The following ZFYVE21 variants were observed in gnomAD, a reference collection of about 807,000 sequenced individuals.
ZFYVE21 encodes the protein zinc finger FYVE domain-containing protein 21.
A neutral mutation model predicts 29.5 loss-of-function variants in ZFYVE21; 21 were observed. The ratio of observed to expected loss-of-function variants is 0.71; its 90% CI spans 0.50 to 1.02. ZFYVE21 has a LOEUF of 1.02. ZFYVE21 is among the 50% of genes least tolerant of loss of function. The pLI is 0.00. For synonymous variants in ZFYVE21, 151 were observed against 133.8 expected (o/e 1.13, Z -0.89); for missense variants, 326 against 335.4 (o/e 0.97, Z 0.22).
chr14:103,715,913 GC>G lies in ZFYVE21; in HGVS notation c.75del (p.Glu26AsnfsTer93). ...VRSPSGLRMV[P>X]EHRAFGSPFG... ...GCTCCCCGAGCGGCCTGCGCATGGT[GC>G]CCGAACACCGCGCCTTCGGAAGCCC... On this transcript the variant is annotated frameshift_variant, in exon 1 of 7. Transcript: ENST00000311141. LOFTEE classifies it high-confidence loss of function. 7.0e-7 allele frequency: 1 copy of G among 1,435,642 alleles called. No individual in the cohort carries two copies. 88.9% of individuals were successfully genotyped at this position (1,435,642 alleles called of 1,614,324 possible). A position where few individuals can be genotyped will look rare whatever the true frequency, so the allele number is the denominator to read the frequency against.
At chr14:103,720,183 C>T (rs751475340) in intron 1 of ZFYVE21, among the ~76,000 whole-genome samples, 58 of 152,202 alleles carry the variant, frequency 3.8e-4, no homozygotes, top group Non-Finnish European at 5.4e-4. Flanking sequence ...TCCTTCCTCA[C>T]GGCCTGTATC....
At position 103,726,811 on chromosome 14, in the gene ZFYVE21, G is replaced by A. The variant is rs1425551086; in HGVS notation, c.158G>A (p.Cys53Tyr). 6.2e-7 allele frequency: 1 copy of A among 1,614,118 alleles called. No homozygotes were observed. Among genetic ancestry groups the A allele is most frequent in the Non-Finnish European group, 8.5e-7 (1 of 1,179,988 alleles). The change falls in exon 2 of 7, where the codon TGT becomes TAT. Residue 53 changes from cysteine to tyrosine, a missense_variant. By Grantham distance (194) the Cys-to-Tyr change is radical (BLOSUM62 -2). Coordinates refer to ENST00000311141, the MANE Select transcript of ZFYVE21 (RefSeq NM_024071.4). ...TCCTAGTGTCGGAGATGTATGCAGTGTGACGCCAAGTTTGACTTTCTCACC... is the reference window on the plus strand; with the variant it reads ...TCCTAGTGTCGGAGATGTATGCAGTATGACGCCAAGTTTGACTTTCTCACC... ...PDKECRRCMQ[C>Y]DAKFDFLTRK...
intron 2 of ZFYVE21, 106 bp downstream of exon 2, chr14:103,726,948 G>GTTTTTTTGT: frequency 1.5e-6 from 1 of 660,970 alleles, no homozygotes; most frequent in Non-Finnish European, 2.2e-6. Context: ...CTTATGGCTC[G>GTTTTTTTGT]TTTTTTTTTT....
rs1567073862 is a variant in ZFYVE21 at position 103,733,325 on chromosome 14, C to T, written c.*307C>T. 1.6e-5 allele frequency: 5 copies of T among 311,296 alleles called. No homozygotes were observed. The highest frequency in any genetic ancestry group is 4.6e-5 in the Admixed American group (1 of 21,750). 19.3% of individuals were successfully genotyped at this position (311,296 alleles called of 1,614,324 possible). A position where few individuals can be genotyped will look rare whatever the true frequency, so the allele number is the denominator to read the frequency against. ...ATAATATATACCATTTTTATGAGTT[C>T]GCAGGTCTACTAGAAGGTTCTGGCC... On this transcript the variant is annotated 3_prime_UTR_variant, in exon 7 of 7. Transcript: ENST00000311141.
intron 5 of ZFYVE21, chr14:103,729,803 T>C: frequency 1.3e-6 from 2 of 1,536,438 alleles, no homozygotes; most frequent in Non-Finnish European, 8.7e-7. Context: ...AAAAAGACAT[T>C]CACGCTTACA....
intron 1 of ZFYVE21, among the ~76,000 whole-genome samples, chr14:103,723,271 T>G (rs928333920): frequency 5.3e-5 from 8 of 152,226 alleles, no homozygotes; most frequent in African/African-American, 1.9e-4. Flanking sequence ...AGGCAGGGAC[T>G]GTGCCACCGC....
Position 103,732,733 on chromosome 14 carries a change from G to A in ZFYVE21, c.640G>A (p.Ala214Thr), listed in dbSNP as rs559115250. The stretch of plus-strand genomic sequence containing the variant: ...GGACGTGACTGTGGGCAGGAGGCAG[G>A]CGGTGGCGTGGCTAGTGGCCATGCA... ...VEDVTVGRRQ[A>T]VAWLVAMHKA... The change falls in exon 6 of 7, where the codon GCG becomes ACG. Residue 214 changes from alanine to threonine, a missense_variant. Ala to Thr is a moderately conservative substitution (Grantham distance 58). Coordinates refer to ENST00000311141, the MANE Select transcript of ZFYVE21 (RefSeq NM_024071.4). 75 of 1,613,184 alleles carry A rather than the reference G, an allele frequency of 4.6e-5. No homozygotes were observed. The Middle Eastern group carries it at 5.0e-4, about 11-fold the overall frequency.
intron 5 of ZFYVE21, chr14:103,729,435 C>T: frequency 1.7e-6 from 1 of 576,024 alleles, no homozygotes. Context: ...ATGATTTCCT[C>T]TGCTCTAAAT....
chr14:103,731,613 A>G (rs2083975728), intron 5 of ZFYVE21: 1 of 152,268 alleles, frequency 6.6e-6, no homozygotes, highest in African/African-American at 2.4e-5. Flanking sequence ...CGTCTCGGAA[A>G]AAAAAAATGT....
intron 1 of ZFYVE21, among the ~76,000 whole-genome samples, chr14:103,722,280 G>A (rs1435498323): frequency 6.6e-6 from 1 of 151,056 alleles, no homozygotes; most frequent in African/African-American, 2.4e-5. Flanking sequence ...AAGCTCCTTG[G>A]TTATTTTATA....
intron 1 of ZFYVE21, among the ~76,000 whole-genome samples, chr14:103,723,270 C>T (rs979845163): frequency 3.9e-5 from 6 of 152,248 alleles, no homozygotes; most frequent in African/African-American, 7.2e-5. Context: ...GAGGCAGGGA[C>T]TGTGCCACCG....
In ZFYVE21 at chr14:103,732,352, T is replaced by C. The variant is rs192078346; in HGVS notation, c.527-268T>C. The C allele has an allele frequency of 4.4e-3, 1,533 of 348,504 alleles. 17 individuals carry two copies. The highest frequency in any genetic ancestry group is 6.2e-3 in the Non-Finnish European group (1,258 of 201,596). 21.6% of individuals were successfully genotyped at this position (348,504 alleles called of 1,614,324 possible). ...TAGCCGAGAGCAAGGCCTCTCGTGGTGATGTGGCTCTTGTTGTTTGTCCCG... is the reference window on the plus strand; with the variant it reads ...TAGCCGAGAGCAAGGCCTCTCGTGGCGATGTGGCTCTTGTTGTTTGTCCCG... On this transcript the variant is annotated intron_variant, in intron 5 of 6. Coordinates refer to ENST00000311141, the MANE Select transcript of ZFYVE21 (RefSeq NM_024071.4).
chr14:103,716,048 C>T lies in ZFYVE21; in HGVS notation c.138+69C>T. On this transcript the variant is annotated intron_variant, in intron 1 of 6. Transcript: ENST00000311141. The surrounding 1 kb of genome is among the most constrained non-coding windows in gnomAD (Gnocchi z 4.8). ...CGCCCCGGCCCGGCCCCGCGGGCTTCCAGGCTCCCGCGACGACCCCTCCGC... is the reference window on the plus strand; with the variant it reads ...CGCCCCGGCCCGGCCCCGCGGGCTTTCAGGCTCCCGCGACGACCCCTCCGC... 1 of 1,166,102 alleles carries T rather than the reference C, an allele frequency of 8.6e-7. No homozygotes were observed. Among genetic ancestry groups the T allele is most frequent in the Non-Finnish European group, 1.1e-6 (1 of 944,108 alleles). 72.2% of individuals were successfully genotyped at this position (1,166,102 alleles called of 1,614,324 possible). A position where few individuals can be genotyped will look rare whatever the true frequency, so the allele number is the denominator to read the frequency against.
rs1439087367 is a variant in ZFYVE21, at chr14:103,716,067, C to T, written c.138+88C>T. ...GGGCTTCCAGGCTCCCGCGACGACC[C>T]CTCCGCCTCCGGGCGGCCCCTTCCC... On this transcript the variant is annotated intron_variant, in intron 1 of 6. Transcript: ENST00000311141. This position sits in a 1 kb window ranked among gnomAD's most constrained non-coding sequence, Gnocchi z 4.8. The T allele has an allele frequency of 2.6e-6, 3 of 1,132,230 alleles. No homozygotes were observed. The highest frequency in any genetic ancestry group is 4.8e-5 in the Admixed American group (1 of 20,892). The allele number at this position is 1,132,230 out of a possible 1,614,324, so 70.1% of individuals were successfully genotyped here.
rs182649361 is a variant in ZFYVE21, at chr14:103,731,012, A to G, written c.527-1608A>G. On this transcript the variant is annotated intron_variant, in intron 5 of 6. Transcript: ENST00000311141. ...CCCTAACCACAGAACCGGGCTTATG[A>G]AAGTGTGGTTCTAGAGGCCCGGCAT... 197 of 152,506 alleles carry G rather than the reference A, an allele frequency of 1.3e-3. 2 individuals carry two copies. The highest frequency in any genetic ancestry group is 2.1e-4 in the Non-Finnish European group (14 of 68,194). The allele number at this position is 152,506 out of a possible 1,614,324, so 9.4% of individuals were successfully genotyped here. A position where few individuals can be genotyped will look rare whatever the true frequency, so the allele number is the denominator to read the frequency against.
In ZFYVE21 at chr14:103,716,030, G is replaced by A. The variant is rs1180068509; in HGVS notation, c.138+51G>A. The A allele has an allele frequency of 1.2e-5, 14 of 1,182,882 alleles. No individual in the cohort carries two copies. The highest frequency in any genetic ancestry group is 1.5e-5 in the Non-Finnish European group (14 of 954,500). The allele number at this position is 1,182,882 out of a possible 1,614,324, so 73.3% of individuals were successfully genotyped here. A position where few individuals can be genotyped will look rare whatever the true frequency, so the allele number is the denominator to read the frequency against. On this transcript the variant is annotated intron_variant, in intron 1 of 6. Coordinates refer to ENST00000311141, the MANE Select transcript of ZFYVE21 (RefSeq NM_024071.4). The surrounding 1 kb of genome is among the most constrained non-coding windows in gnomAD (Gnocchi z 4.8). ...GCCTCCGACCCGCCCCGCCGCCCCG[G>A]CCCGGCCCCGCGGGCTTCCAGGCTC... is the stretch of plus-strand genomic sequence containing the variant.
intron 5 of ZFYVE21, 53 bp from the exon 6 acceptor site, chr14:103,732,567 C>G (rs1161032040): frequency 1.3e-6 from 2 of 1,510,290 alleles, no homozygotes; most frequent in Non-Finnish European, 1.8e-6. Flanking sequence ...CTGGTGGCCG[C>G]CTGGGCACTC....
rs117577281 is a variant in ZFYVE21, at chr14:103,721,508, G to C, written c.139-5284G>C. On this transcript the variant is annotated intron_variant, in intron 1 of 6. Coordinates refer to ENST00000311141, the MANE Select transcript of ZFYVE21 (RefSeq NM_024071.4). The stretch of plus-strand genomic sequence containing the variant: ...GGCGCCCCAGAGAGGCCTGGGCCGA[G>C]GCTGCCTCTGTGACGCCACTGCACA... Among the ~76,000 whole-genome samples the C allele has an allele frequency of 1.6e-4, 25 of 152,366 alleles. No individual in the cohort carries two copies. In the East Asian group the frequency reaches 4.2e-3, roughly 26 times the overall value.
intron 5 of ZFYVE21, 85 bp from the exon 6 acceptor site, chr14:103,732,535 T>G (rs1446805593): frequency 6.8e-7 from 1 of 1,473,812 alleles, no homozygotes; most frequent in Non-Finnish European, 9.1e-7. Flanking sequence ...AAGGTTAGGA[T>G]GTGCTGGCCA....
Sources: gnomAD v4.1 joint callset for allele counts (sites outside exome capture counted in the v4.1 genomes callset) on GRCh38, gnomAD v4.1.1 for gene constraint, Gnocchi (gnomAD v3.1) non-coding constraint, MANE v1.5 for transcripts, NCBI Gene and HGNC (gene_info 2026-07-23, HGNC 2026-07-21) for gene names.